The following COX7B2 variants were observed in gnomAD, a reference collection of about 807,000 sequenced individuals.
COX7B2 encodes cytochrome c oxidase subunit 7B2.
For missense variants in COX7B2, 109 were observed against 95.9 expected (o/e 1.14, Z -0.57); for synonymous variants, 37 against 32.1 (o/e 1.15, Z -0.51).
intron 2 of COX7B2, among the ~76,000 whole-genome samples, chr4:46,775,541 T>G (rs762852136): frequency 5.9e-5 from 9 of 152,090 alleles, no homozygotes; most frequent in Non-Finnish European, 1.0e-4. Flanking sequence ...TTTTGTCTAA[T>G]TGGGTCATAC....
intron 2 of COX7B2, among the ~76,000 whole-genome samples, chr4:46,740,799 A>T (rs1052444254): frequency 1.3e-5 from 2 of 152,124 alleles, no homozygotes; most frequent in Non-Finnish European, 2.9e-5. Flanking sequence ...TTTAGTAAGT[A>T]AGTTACTCTA....
chr4:46,907,847 A>ACTTTTTTTTTTTTTTTT (rs1720493023), intron 1 of COX7B2, among the ~76,000 whole-genome samples: 2 of 67,238 alleles, frequency 3.0e-5, no homozygotes, highest in Non-Finnish European at 3.2e-5. Context: ...ATTTGAGCAG[A>ACTTTTTTTTTTTTTTTT]CTTTTTTTTT....
chr4:46,890,107 C>G (rs1719341519), intron 1 of COX7B2, among the ~76,000 whole-genome samples: 1 of 152,254 alleles, frequency 6.6e-6, no homozygotes, highest in East Asian at 1.9e-4. Context: ...AGAAAGCAGA[C>G]AGCAGGCTTA....
intron 2 of COX7B2, among the ~76,000 whole-genome samples, chr4:46,751,695 G>A (rs1715390562): frequency 6.6e-6 from 1 of 151,840 alleles, no homozygotes; most frequent in Non-Finnish European, 1.5e-5. Context: ...TATATTAGGT[G>A]GGCAGAAAAT....
chr4:46,756,211 A>G (rs892153747), intron 2 of COX7B2, among the ~76,000 whole-genome samples: 1 of 152,134 alleles, frequency 6.6e-6, no homozygotes, highest in South Asian at 2.1e-4. Flanking sequence ...TGCAGTGGAT[A>G]AAGGACATCC....
At chr4:46,756,220 C>A (rs1715789155) in intron 2 of COX7B2, among the ~76,000 whole-genome samples, 1 of 152,096 alleles carries the variant, frequency 6.6e-6, no homozygotes, top group Middle Eastern at 3.4e-3. Context: ...TAAAGGACAT[C>A]CTATTCAATA....
chr4:46,753,735 C>T (rs1440511427), intron 2 of COX7B2, among the ~76,000 whole-genome samples: 1 of 151,874 alleles, frequency 6.6e-6, no homozygotes, highest in Non-Finnish European at 1.5e-5. Context: ...AACTAAAGAG[C>T]TTCTGCAGAG....
chr4:46,809,754 T>C (rs899551250), intron 2 of COX7B2, among the ~76,000 whole-genome samples: 11 of 152,062 alleles, frequency 7.2e-5, no homozygotes, highest in African/African-American at 2.4e-4. Flanking sequence ...TCTGTATATG[T>C]CTGCTAAGTC....
intron 2 of COX7B2, among the ~76,000 whole-genome samples, chr4:46,822,748 T>C (rs1415007694): frequency 6.6e-6 from 1 of 152,150 alleles, no homozygotes; most frequent in Non-Finnish European, 1.5e-5. Flanking sequence ...AAATCCCAGA[T>C]TCTAAAACTA....
At chr4:46,867,226 A>G (rs1560427549) in intron 1 of COX7B2, among the ~76,000 whole-genome samples, 1 of 152,216 alleles carries the variant, frequency 6.6e-6, no homozygotes, top group African/African-American at 2.4e-5. Context: ...GCAAGTGCCT[A>G]CACTCATAAG....
chr4:46,901,997 T>G (rs1337554211), intron 1 of COX7B2, among the ~76,000 whole-genome samples: 1 of 152,212 alleles, frequency 6.6e-6, no homozygotes, highest in Non-Finnish European at 1.5e-5. Flanking sequence ...CCTCCACAAT[T>G]GCATTAGACA....
chr4:46,828,118 A>T (rs975702542), intron 2 of COX7B2, among the ~76,000 whole-genome samples: 2 of 152,202 alleles, frequency 1.3e-5, no homozygotes, highest in African/African-American at 4.8e-5. Flanking sequence ...GATTTAGGAA[A>T]ACATAATGCA....
At chr4:46,762,978 C>CAT (rs1560362795) in intron 2 of COX7B2, among the ~76,000 whole-genome samples, 28 of 107,434 alleles carry the variant, frequency 2.6e-4, no homozygotes, top group African/African-American at 3.6e-4. Context: ...ATATATACCA[C>CAT]ATATATGTAA....
intron 2 of COX7B2, among the ~76,000 whole-genome samples, chr4:46,740,274 A>G (rs1040103265): frequency 6.6e-6 from 1 of 152,136 alleles, no homozygotes; most frequent in East Asian, 1.9e-4. Flanking sequence ...TAAAAGAACT[A>G]TGATCACTAC....
intron 2 of COX7B2, among the ~76,000 whole-genome samples, chr4:46,806,336 GA>G (rs1479257081): frequency 1.3e-5 from 2 of 150,520 alleles, no homozygotes; most frequent in East Asian, 3.9e-4. Flanking sequence ...TCCATATGAT[GA>G]AAAAATAAAA....
intron 2 of COX7B2, among the ~76,000 whole-genome samples, chr4:46,825,453 T>C (rs1577615942): frequency 6.6e-6 from 1 of 152,132 alleles, no homozygotes; most frequent in Non-Finnish European, 1.5e-5. Context: ...ATGGCCATAC[T>C]GCCCAAAGCA....
At chr4:46,763,283 C>G (rs955167131) in intron 2 of COX7B2, among the ~76,000 whole-genome samples, 1 of 141,644 alleles carries the variant, frequency 7.1e-6, no homozygotes, top group Non-Finnish European at 1.5e-5. Flanking sequence ...TTTCAATTTC[C>G]CCTTCTATAA....
At chr4:46,785,329 G>A (rs1434761701) in intron 2 of COX7B2, among the ~76,000 whole-genome samples, 8 of 151,150 alleles carry the variant, frequency 5.3e-5, no homozygotes, top group Non-Finnish European at 1.0e-4. Context: ...CTCTATTGTT[G>A]TTGAAAAAAT....
chr4:46,779,854 GT>G (rs1717350316), intron 2 of COX7B2, among the ~76,000 whole-genome samples: 1 of 151,966 alleles, frequency 6.6e-6, no homozygotes, highest in Admixed American at 6.6e-5. Context: ...GAAAATGGAG[GT>G]CAAATGGTAC....
Sources: allele counts gnomAD v4.1 joint callset (sites outside exome capture counted in the v4.1 genomes callset), GRCh38; gene constraint gnomAD v4.1.1; transcripts MANE v1.5; gene names NCBI Gene and HGNC (gene_info 2026-07-23, HGNC 2026-07-21).